The following TRMT11 variants were observed in gnomAD, a reference collection of about 807,000 sequenced individuals.
TRMT11 encodes the protein tRNA (guanine(10)-N(2))-methyltransferase TRMT11.
A neutral mutation model predicts 62.8 loss-of-function variants in TRMT11; 53 were observed. That is an observed-to-expected ratio of 0.84 (90% CI 0.68 to 1.06). The LOEUF (loss-of-function observed/expected upper bound fraction) is 1.06. Ranked by LOEUF, TRMT11 falls within the 50% of genes least tolerant of loss-of-function variation. The pLI, the probability that TRMT11 is intolerant of heterozygous loss-of-function variation, is 0.00. For synonymous variants in TRMT11, 188 were observed against 190.3 expected (o/e 0.99, Z 0.10); for missense variants, 556 against 553.4 (o/e 1.00, Z -0.05).
chr6:126,242,088 T>C, the TRMT11 span, among the ~76,000 whole-genome samples: 2 of 147,860 alleles, frequency 1.4e-5, no homozygotes, highest in African/African-American at 5.4e-5. Context: ...CAGCAAAGTC[T>C]CAGGATACAA....
intron 17 of TRMT11, among the ~76,000 whole-genome samples, chr6:126,059,249 G>A (rs1289298614): frequency 6.6e-6 from 1 of 151,996 alleles, no homozygotes; most frequent in Non-Finnish European, 1.5e-5. Context: ...ACAAATAACA[G>A]CTTTACTATA....
chr6:126,183,698 G>C (rs1420739078), intron 1 of TRMT11, among the ~76,000 whole-genome samples: 4 of 152,092 alleles, frequency 2.6e-5, no homozygotes, highest in Admixed American at 2.6e-4. Context: ...CATCTTTATG[G>C]AACCTTCCCT....
chr6:126,171,151 A>G (rs928684622), intron 21 of TRMT11, among the ~76,000 whole-genome samples: 4 of 152,138 alleles, frequency 2.6e-5, no homozygotes, highest in African/African-American at 4.8e-5. Flanking sequence ...ACCCACCAGA[A>G]TTTATTCTGG....
chr6:126,196,079 T>C (rs1778663330), intron 1 of TRMT11, among the ~76,000 whole-genome samples: 1 of 152,202 alleles, frequency 6.6e-6, no homozygotes. Flanking sequence ...TCTGCTCATA[T>C]GGCTCAGTGA....
intron 17 of TRMT11, among the ~76,000 whole-genome samples, chr6:126,054,141 AG>A (rs765504629): frequency 1.9e-4 from 29 of 152,202 alleles, no homozygotes; most frequent in Non-Finnish European, 4.0e-4. Context: ...GGTAATGCCA[AG>A]GCTCTTTGGG....
chr6:126,115,583 A>C (rs1251223656), intron 20 of TRMT11, among the ~76,000 whole-genome samples: 1 of 152,150 alleles, frequency 6.6e-6, no homozygotes, highest in East Asian at 1.9e-4. Flanking sequence ...TTGCTATTTA[A>C]TCAGAAGTAA....
the TRMT11 span, chr6:126,257,910 G>A: frequency 2.6e-6 from 4 of 1,514,640 alleles, no homozygotes; most frequent in Non-Finnish European, 3.7e-6. Flanking sequence ...ATTCACCTGG[G>A]TCAAGGACCC....
At chr6:126,108,924 G>A (rs1777495765) in intron 17 of TRMT11, among the ~76,000 whole-genome samples, 1 of 152,082 alleles carries the variant, frequency 6.6e-6, no homozygotes, top group Non-Finnish European at 1.5e-5. Context: ...TAATCGTTTG[G>A]TAATTTTTTA....
intron 17 of TRMT11, among the ~76,000 whole-genome samples, chr6:126,094,350 G>T (rs1777316998): frequency 6.6e-6 from 1 of 152,110 alleles, no homozygotes; most frequent in Non-Finnish European, 1.5e-5. Flanking sequence ...TTTAGAAAAA[G>T]AATTTTCTCA....
chr6:126,240,219 A>T, the TRMT11 span, among the ~76,000 whole-genome samples: 2 of 152,334 alleles, frequency 1.3e-5, no homozygotes, highest in Non-Finnish European at 2.9e-5. Context: ...CGTCAAAGTC[A>T]TTCTCCATCC....
At chr6:126,138,329 G>C (rs1342233260) in intron 21 of TRMT11, among the ~76,000 whole-genome samples, 1 of 151,908 alleles carries the variant, frequency 6.6e-6, no homozygotes, top group Non-Finnish European at 1.5e-5. Context: ...TTAACAGTCT[G>C]AATACTAGAG....
chr6:126,005,200 G>A (rs1793180174), intron 7 of TRMT11, among the ~76,000 whole-genome samples: 1 of 152,028 alleles, frequency 6.6e-6, no homozygotes, highest in Non-Finnish European at 1.5e-5. Context: ...AACAGAGTGT[G>A]TAGCTTTACT....
intron 5 of TRMT11, 54 bp downstream of exon 5, chr6:125,998,369 T>G: frequency 7.5e-7 from 1 of 1,330,782 alleles, no homozygotes; most frequent in Non-Finnish European, 1.1e-6. Context: ...GTCTGGCCAT[T>G]GTTGATATAT....
chr6:126,149,914 A>G (rs1359826239), intron 21 of TRMT11, among the ~76,000 whole-genome samples: 2 of 152,156 alleles, frequency 1.3e-5, no homozygotes, highest in Admixed American at 6.5e-5. Flanking sequence ...GTATGACTAT[A>G]TTTTGTAGTT....
the TRMT11 span, among the ~76,000 whole-genome samples, chr6:126,267,287 T>C: frequency 3.3e-5 from 5 of 152,222 alleles, no homozygotes; most frequent in African/African-American, 4.8e-5. Context: ...AATGATATAA[T>C]GAAAGGATGT....
chr6:126,133,928 C>A (rs1202769206), intron 21 of TRMT11, among the ~76,000 whole-genome samples: 1 of 151,878 alleles, frequency 6.6e-6, no homozygotes, highest in East Asian at 1.9e-4. Flanking sequence ...TTTCCATAGG[C>A]CCCAGAATTC....
At chr6:126,068,905 G>A (rs1010037519) in intron 17 of TRMT11, among the ~76,000 whole-genome samples, 1 of 152,168 alleles carries the variant, frequency 6.6e-6, no homozygotes, top group Non-Finnish European at 1.5e-5. Context: ...AAGTTCAGGT[G>A]CACTCTAGAA....
At chr6:126,219,051 C>T in the TRMT11 span, among the ~76,000 whole-genome samples, 8 of 152,172 alleles carry the variant, frequency 5.3e-5, no homozygotes, top group Non-Finnish European at 1.0e-4. Context: ...ATAGATTCTC[C>T]GTGCCATGTG....
At chr6:126,134,726 CAGACCATATGTT>C (rs999947832) in intron 21 of TRMT11, among the ~76,000 whole-genome samples, 1 of 151,808 alleles carries the variant, frequency 6.6e-6, no homozygotes, top group African/African-American at 2.4e-5. Context: ...TTCTTCAGGA[CAGACCATATGTT>C]AGACCACAAA....
Sources: gnomAD v4.1 joint callset for allele counts (sites outside exome capture counted in the v4.1 genomes callset) on GRCh38, gnomAD v4.1.1 for gene constraint, MANE v1.5 for transcripts, NCBI Gene and HGNC (gene_info 2026-07-23, HGNC 2026-07-21) for gene names.